The following ZNF536 variants were observed in gnomAD, a reference collection of about 807,000 sequenced individuals.
ZNF536 encodes zinc finger protein 536.
ZNF536 carries 13 observed loss-of-function variants against 84.5 expected under a neutral mutation model. The observed-to-expected ratio is 0.15, with a 90% CI of 0.10 to 0.24. ZNF536 has a LOEUF of 0.24. Among genes scored for constraint, ZNF536 ranks in the 10% least tolerant of loss-of-function variants. The probability of loss-of-function intolerance (pLI) is 1.00; values close to 1 mark genes in which losing one functional copy is unlikely to be tolerated. For synonymous variants in ZNF536, 811 were observed against 742.5 expected, an observed-to-expected ratio of 1.09 and a Z score of -1.50; for missense variants, 1,536 against 1,747.5, an observed-to-expected ratio of 0.88 and a Z score of 2.16.
chr19:30,624,595 T>C (rs1370861414), intron 1 of ZNF536, among the ~76,000 whole-genome samples: 1 of 152,200 alleles, frequency 6.6e-6, no homozygotes, highest in Non-Finnish European at 1.5e-5. Context: ...CATTATTATT[T>C]CAGGCTTGTT....
intron 1 of ZNF536, among the ~76,000 whole-genome samples, chr19:30,568,521 C>T (rs1202531313): frequency 2.6e-5 from 4 of 152,058 alleles, no homozygotes; most frequent in Non-Finnish European, 5.9e-5. Context: ...TAGAAATAGT[C>T]ATTTGTTTTA....
intron 2 of ZNF536, among the ~76,000 whole-genome samples, chr19:30,346,569 C>T (rs536756995): frequency 1.2e-4 from 18 of 152,300 alleles, no homozygotes; most frequent in Non-Finnish European, 2.5e-4. Flanking sequence ...TTAGTTCCCA[C>T]TTATAAGTGA....
intron 2 of ZNF536, among the ~76,000 whole-genome samples, chr19:30,322,129 C>A (rs1237217803): frequency 6.6e-6 from 1 of 152,098 alleles, no homozygotes; most frequent in African/African-American, 2.4e-5. Context: ...AAAATTGTAC[C>A]ACTAGCTTTC....
intron 2 of ZNF536, among the ~76,000 whole-genome samples, chr19:30,335,543 C>T (rs993188318): frequency 2.0e-5 from 3 of 152,128 alleles, no homozygotes; most frequent in African/African-American, 4.8e-5. Flanking sequence ...CTGAGCTACG[C>T]GGTGGGTGTC....
At chr19:30,257,441 C>T (rs1056672982) in intron 1 of ZNF536, among the ~76,000 whole-genome samples, 3 of 152,206 alleles carry the variant, frequency 2.0e-5, no homozygotes, top group East Asian at 1.9e-4. Flanking sequence ...TTTCCTTTCA[C>T]GTGCTGTGCC....
chr19:30,409,801 A>G (rs2050405893), intron 1 of ZNF536, among the ~76,000 whole-genome samples: 2 of 152,054 alleles, frequency 1.3e-5, no homozygotes, highest in South Asian at 4.1e-4. Context: ...AAACTGTCTC[A>G]TTTTGCTTTT....
At chr19:30,271,294 C>CTGTTTTTTTTTTTT (rs2025825171) in intron 1 of ZNF536, among the ~76,000 whole-genome samples, 1 of 103,198 alleles carries the variant, frequency 9.7e-6, no homozygotes, top group African/African-American at 3.5e-5. Flanking sequence ...GTGTTTTTTT[C>CTGTTTTTTTTTTTT]TTTTCTTTTT....
intron 1 of ZNF536, among the ~76,000 whole-genome samples, chr19:30,647,045 G>A (rs575005876): frequency 6.6e-6 from 1 of 152,250 alleles, no homozygotes; most frequent in African/African-American, 2.4e-5. Context: ...AGTCCTTTGT[G>A]AGTCAGTGCA....
chr19:30,296,805 C>A (rs985369538), intron 2 of ZNF536, among the ~76,000 whole-genome samples: 1 of 152,190 alleles, frequency 6.6e-6, no homozygotes, highest in Non-Finnish European at 1.5e-5. Flanking sequence ...GTCTTCCAAG[C>A]AGCATCTAGG....
chr19:30,660,397 C>T (rs779911014), intron 1 of ZNF536, among the ~76,000 whole-genome samples: 3 of 152,174 alleles, frequency 2.0e-5, no homozygotes, highest in Non-Finnish European at 4.4e-5. Flanking sequence ...CCTGGTTCTA[C>T]ATGGATCCCT....
intron 1 of ZNF536, among the ~76,000 whole-genome samples, chr19:30,229,211 C>T (rs1296513316): frequency 6.6e-6 from 1 of 152,070 alleles, no homozygotes; most frequent in Non-Finnish European, 1.5e-5. Context: ...TTCCTTAGCT[C>T]GTCCCCCTTC....
intron 2 of ZNF536, among the ~76,000 whole-genome samples, chr19:30,522,324 G>T (rs988054775): frequency 1.4e-5 from 1 of 71,894 alleles, no homozygotes; most frequent in African/African-American, 5.9e-5. Flanking sequence ...GTCAACTGAA[G>T]TATTTATTAC....
chr19:30,564,142 G>T (rs1318358665), intron 1 of ZNF536, among the ~76,000 whole-genome samples: 1 of 152,044 alleles, frequency 6.6e-6, no homozygotes, highest in Admixed American at 6.6e-5. Flanking sequence ...GAAGGAGGAG[G>T]ATTAAAGAGA....
At chr19:30,478,851 A>G (rs539273716) in intron 2 of ZNF536, among the ~76,000 whole-genome samples, 105 of 152,306 alleles carry the variant, frequency 6.9e-4, no homozygotes, top group African/African-American at 2.3e-3. Context: ...CTTAGTGCAC[A>G]GGACCTGCTG....
chr19:30,657,814 C>A (rs558388733), intron 1 of ZNF536, among the ~76,000 whole-genome samples: 1 of 152,274 alleles, frequency 6.6e-6, no homozygotes, highest in East Asian at 1.9e-4. Flanking sequence ...CTGTTAATTC[C>A]ATCTCAAAAA....
chr19:30,548,505 G>A lies in ZNF536; in HGVS notation c.2886G>A (p.Lys962=), dbSNP rs2146204345. The change falls in exon 4 of 5, where the codon AAG becomes AAA. Residue 962 remains lysine (K), a synonymous_variant. Coordinates refer to ENST00000355537, the MANE Select transcript of ZNF536 (RefSeq NM_014717.3). ...GTGGTGAGGAGAAACCCAGTGGCAA[G>A]TCCTCCCAGAGGAAGTCCGAGAAAT... is the stretch of plus-strand genomic sequence containing the variant. ...VDGGEEKPSG[K]SSQRKSEKSQ... is the part of the protein sequence containing the mutation. The A allele has an allele frequency of 3.1e-6, 5 of 1,614,180 alleles. No individual in the cohort carries two copies. Among genetic ancestry groups the A allele is most frequent in the Non-Finnish European group, 2.5e-6 (3 of 1,180,042 alleles).
At chr19:30,326,942 T>C (rs10416611) in intron 2 of ZNF536, among the ~76,000 whole-genome samples, 37,159 of 151,070 alleles carry the variant, frequency 0.25, 5,172 homozygotes, top group East Asian at 0.42. Flanking sequence ...ACACCATCTC[T>C]ACAAAAAATT....
intron 1 of ZNF536, among the ~76,000 whole-genome samples, chr19:30,237,433 T>C (rs1192668655): frequency 6.6e-6 from 1 of 152,164 alleles, no homozygotes; most frequent in Admixed American, 6.5e-5. Flanking sequence ...ATCAGAGGGC[T>C]TAGCAGAATC....
chr19:30,676,252 T>C (rs1211813606), intron 1 of ZNF536, among the ~76,000 whole-genome samples: 7 of 152,210 alleles, frequency 4.6e-5, no homozygotes, highest in Non-Finnish European at 1.0e-4. Flanking sequence ...TCATGGGAAA[T>C]GATTTCCTTG....
Sources: allele counts gnomAD v4.1 joint callset (sites outside exome capture counted in the v4.1 genomes callset), GRCh38; gene constraint gnomAD v4.1.1; transcripts MANE v1.5; gene names NCBI Gene and HGNC (gene_info 2026-07-23, HGNC 2026-07-21).